SLIT3: variants seen among roughly 807,000 people sequenced by gnomAD.
SLIT3 encodes slit homolog 3 protein.
A neutral mutation model predicts 184.0 loss-of-function variants in SLIT3; 68 were observed. That is an observed-to-expected ratio of 0.37 (90% confidence interval 0.30 to 0.45). SLIT3 has a LOEUF of 0.45. Among genes scored for constraint, SLIT3 ranks in the 20% least tolerant of loss-of-function variants. SLIT3 has a pLI of 1.00. For synonymous variants in SLIT3, 831 were observed against 828.6 expected (o/e 1.00, Z -0.05); for missense variants, 1,707 against 2,026.0 (o/e 0.84, Z 3.02).
intron 3 of SLIT3, among the ~76,000 whole-genome samples, chr5:169,229,642 T>TTCTTTCTCTCTC (rs1764926950): frequency 6.7e-6 from 1 of 148,224 alleles, no homozygotes; most frequent in African/African-American, 2.5e-5. Flanking sequence ...AAATAAATTC[T>TTCTTTCTCTCTC]TCTCTCTCTC....
intron 4 of SLIT3, among the ~76,000 whole-genome samples, chr5:169,159,656 G>C (rs375054679): frequency 3.3e-5 from 5 of 151,914 alleles, no homozygotes; most frequent in African/African-American, 1.2e-4. Flanking sequence ...GGCACCTGTA[G>C]GCCCAGCTAC....
intron 5 of SLIT3, among the ~76,000 whole-genome samples, chr5:168,855,694 G>A (rs1419538617): frequency 6.6e-6 from 1 of 152,202 alleles, no homozygotes; most frequent in Non-Finnish European, 1.5e-5. Context: ...ACAGAAAGCA[G>A]ATCAGCAATT....
intron 32 of SLIT3, among the ~76,000 whole-genome samples, chr5:168,676,642 A>C (rs6889930): frequency 0.052 from 7,968 of 152,302 alleles, 245 homozygotes; most frequent in Middle Eastern, 0.099. Flanking sequence ...CACACATGCA[A>C]AAATATGCAG....
At chr5:169,048,717 G>A (rs527552780) in intron 4 of SLIT3, among the ~76,000 whole-genome samples, 8 of 152,168 alleles carry the variant, frequency 5.3e-5, no homozygotes, top group Admixed American at 2.0e-4. Context: ...TTTTTGCCTC[G>A]GATAATAACA....
chr5:168,972,337 ATGTGTGTGTGTGTGTG>A (rs60588036), intron 4 of SLIT3, among the ~76,000 whole-genome samples: 1 of 118,330 alleles, frequency 8.5e-6, no homozygotes, highest in South Asian at 2.9e-4. Context: ...GCAGGACAAC[ATGTGTGTGTGTGTGTG>A]TGTGTGTGTG....
intron 4 of SLIT3, among the ~76,000 whole-genome samples, chr5:169,063,558 C>A (rs1282615141): frequency 6.6e-6 from 1 of 152,222 alleles, no homozygotes; most frequent in East Asian, 1.9e-4. Context: ...CTGGGGATTA[C>A]TTGCTCCACA....
chr5:168,715,738 T>C (rs1403946489), intron 23 of SLIT3, among the ~76,000 whole-genome samples: 1 of 152,240 alleles, frequency 6.6e-6, no homozygotes, highest in Non-Finnish European at 1.5e-5. Flanking sequence ...AGTGGCACGA[T>C]CTTGGCCCAC....
At chr5:168,786,112 C>G in intron 11 of SLIT3, 134 bp from the exon 12 acceptor site, 1 of 637,346 alleles carries the variant, frequency 1.6e-6, no homozygotes, top group Admixed American at 2.7e-5. Flanking sequence ...CCTGCCTAAT[C>G]CCTTCTCATC....
intron 14 of SLIT3, among the ~76,000 whole-genome samples, chr5:168,771,416 A>G (rs553398681): frequency 5.3e-4 from 80 of 152,206 alleles, no homozygotes; most frequent in South Asian, 2.1e-3. Flanking sequence ...AATGAACCTG[A>G]GGTTTAGTCC....
intron 20 of SLIT3, among the ~76,000 whole-genome samples, chr5:168,728,595 AT>A (rs1285831401): frequency 6.6e-6 from 1 of 152,058 alleles, no homozygotes; most frequent in African/African-American, 2.4e-5. Context: ...TAAATAAGAA[AT>A]TTCCAAGGAC....
At chr5:168,800,372 G>C (rs889382394) in intron 9 of SLIT3, among the ~76,000 whole-genome samples, 35 of 152,128 alleles carry the variant, frequency 2.3e-4, no homozygotes, top group Non-Finnish European at 4.3e-4. Context: ...GATCACCTGA[G>C]GTCAGGAGTT....
chr5:168,901,687 T>C (rs919639255), intron 4 of SLIT3, among the ~76,000 whole-genome samples: 2 of 152,198 alleles, frequency 1.3e-5, no homozygotes, highest in Admixed American at 6.5e-5. Flanking sequence ...CAAAGTCATA[T>C]AGCCTAAAGC....
intron 9 of SLIT3, among the ~76,000 whole-genome samples, chr5:168,805,359 G>C (rs56916270): frequency 0.01 from 1,569 of 152,144 alleles, 36 homozygotes; most frequent in African/African-American, 0.036. Context: ...AAGAAGAAAG[G>C]GGGGAGATTA....
At chr5:169,039,651 A>T (rs900855903) in intron 4 of SLIT3, among the ~76,000 whole-genome samples, 1 of 152,128 alleles carries the variant, frequency 6.6e-6, no homozygotes, top group African/African-American at 2.4e-5. Flanking sequence ...ATAGAAAAAC[A>T]ATATACCCTT....
intron 4 of SLIT3, among the ~76,000 whole-genome samples, chr5:168,998,702 TCAAAACAAAA>T (rs66611793): frequency 1.9e-3 from 276 of 141,696 alleles, no homozygotes; most frequent in African/African-American, 5.2e-3. Context: ...AGACTCCATT[TCAAAACAAAA>T]CAAAACAAAA....
At chr5:169,232,399 A>C in intron 3 of SLIT3, among the ~76,000 whole-genome samples, 1 of 151,914 alleles carries the variant, frequency 6.6e-6, no homozygotes. Flanking sequence ...TAATTTTTGT[A>C]TTTTTAGTAG....
At chr5:168,969,615 CTCAA>C (rs1754494812) in intron 4 of SLIT3, among the ~76,000 whole-genome samples, 1 of 152,212 alleles carries the variant, frequency 6.6e-6, no homozygotes, top group Admixed American at 6.5e-5. Context: ...GGCTGCTCCG[CTCAA>C]TCTGGCTGAT....
At position 168,938,643 on chromosome 5, in the gene SLIT3, T is replaced by A. The variant is rs185133017; in HGVS notation, c.414-55307A>T. Among the ~76,000 whole-genome samples, 540 of 152,312 alleles carry A rather than the reference T, an allele frequency of 3.5e-3. 3 individuals are homozygous for A. The highest frequency in any genetic ancestry group is 5.9e-3 in the Non-Finnish European group (400 of 68,024). On this transcript the variant is annotated intron_variant, in intron 4 of 35. Transcript: ENST00000519560. ...TCTCTACACAATGATTATTATTATT[T>A]TTTTTGAGACGGAGTCTCACTCTGT...
chr5:168,877,936 CTT>C (rs1465666215), intron 5 of SLIT3, among the ~76,000 whole-genome samples: 1 of 152,028 alleles, frequency 6.6e-6, no homozygotes, highest in Non-Finnish European at 1.5e-5. Flanking sequence ...TGTCATCTCT[CTT>C]GTTTTCCCAA....
Sources: gnomAD v4.1 joint callset for allele counts (sites outside exome capture counted in the v4.1 genomes callset) on GRCh38, gnomAD v4.1.1 for gene constraint, MANE v1.5 for transcripts, NCBI Gene and HGNC (gene_info 2026-07-23, HGNC 2026-07-21) for gene names.